Variants in CDK19 observed in about 807,000 individuals in gnomAD.
CDK19 encodes cyclin-dependent kinase 19.
In CDK19, 20 loss-of-function variants were observed where a neutral mutation model predicts 68.3. The observed-to-expected ratio is 0.29, with a 90% CI of 0.21 to 0.43. The LOEUF (loss-of-function observed/expected upper bound fraction) is 0.43. Ranked by LOEUF, CDK19 falls within the 20% of genes least tolerant of loss-of-function variation. The pLI is 1.00. For missense variants in CDK19, 339 were observed against 623.5 expected, an observed-to-expected ratio of 0.54 and a Z score of 4.86; for synonymous variants, 221 against 222.8, an observed-to-expected ratio of 0.99 and a Z score of 0.07.
intron 5 of CDK19, among the ~76,000 whole-genome samples, chr6:110,638,198 G>A (rs1388641013): frequency 6.6e-6 from 1 of 152,120 alleles, no homozygotes; most frequent in Non-Finnish European, 1.5e-5. Flanking sequence ...GTTAGTACTT[G>A]GTGCAAGACA....
intron 8 of CDK19, among the ~76,000 whole-genome samples, chr6:110,625,865 C>T (rs1033707511): frequency 9.2e-5 from 14 of 152,134 alleles, no homozygotes; most frequent in African/African-American, 2.9e-4. Context: ...TGATTTTGTT[C>T]CTATAAGCCA....
At chr6:110,639,916 C>T (rs1342668514) in intron 4 of CDK19, among the ~76,000 whole-genome samples, 1 of 152,066 alleles carries the variant, frequency 6.6e-6, no homozygotes, top group African/African-American at 2.4e-5. Flanking sequence ...GCATAAGACG[C>T]AGAAGTCTGA....
intron 2 of CDK19, among the ~76,000 whole-genome samples, chr6:110,732,821 T>C (rs1776860937): frequency 1.3e-5 from 2 of 152,024 alleles, no homozygotes; most frequent in African/African-American, 4.8e-5. Context: ...TCCCAGCACT[T>C]TGTGGAGGGC....
rs1183868201 is a variant in CDK19 at position 110,687,244 on chromosome 6, GCA to G, written c.205-16705_205-16704del. Among the ~76,000 whole-genome samples, 131 of 152,180 alleles carry G rather than the reference GCA, an allele frequency of 8.6e-4. 1 individual carries two copies. Among genetic ancestry groups the G allele is most frequent in the African/African-American group, 3.0e-3 (125 of 41,510 alleles). ...AAAGTTCCACTTTTCAGGACATTGG[GCA>G]TTATCAGTGGTCAGACACCCCACCC... On this transcript the variant is annotated intron_variant, in intron 2 of 12. Transcript: ENST00000368911.
intron 4 of CDK19, among the ~76,000 whole-genome samples, chr6:110,654,615 A>AT (rs1781182660): frequency 6.6e-6 from 1 of 152,244 alleles, no homozygotes; most frequent in Admixed American, 6.5e-5. Context: ...GGGGTAAGGT[A>AT]TAAGTGTCCT....
chr6:110,814,809 G>T, intron 1 of CDK19, 200 bp downstream of exon 1: 1 of 716,556 alleles, frequency 1.4e-6, no homozygotes, highest in Non-Finnish European at 2.4e-6. Flanking sequence ...CGCCGCGGGA[G>T]TTCGAGGTAC....
chr6:110,726,498 G>A (rs772053833), intron 2 of CDK19, among the ~76,000 whole-genome samples: 1 of 152,132 alleles, frequency 6.6e-6, no homozygotes, highest in African/African-American at 2.4e-5. Flanking sequence ...AGTAATGCCT[G>A]AAAAGGTTCC....
At chr6:110,752,772 T>G (rs973031032) in intron 1 of CDK19, among the ~76,000 whole-genome samples, 1 of 152,218 alleles carries the variant, frequency 6.6e-6, no homozygotes, top group Non-Finnish European at 1.5e-5. Flanking sequence ...CTCACTATGT[T>G]GCCCAAGCTG....
rs192480115 is a variant in CDK19 at position 110,696,728 on chromosome 6, C to A, written c.205-26187G>T. On this transcript the variant is annotated intron_variant, in intron 2 of 12. Coordinates refer to ENST00000368911, the MANE Select transcript of CDK19 (RefSeq NM_015076.5). ...CCTGAGGCCAGGATTTCGAGACCAG[C>A]CTGGCCAACATGGCAAAACCTCGCC... is the stretch of plus-strand genomic sequence containing the variant. 2.6e-3 allele frequency among the ~76,000 whole-genome samples: 388 copies of A among 152,092 alleles called. 1 individual carries two copies. The highest frequency in any genetic ancestry group is 4.5e-3 in the Admixed American group (69 of 15,262).
At chr6:110,711,968 G>A (rs1369003941) in intron 2 of CDK19, among the ~76,000 whole-genome samples, 6 of 152,194 alleles carry the variant, frequency 3.9e-5, no homozygotes, top group Non-Finnish European at 5.9e-5. Context: ...GCGAGACTCC[G>A]TCTCAAAAAA....
At chr6:110,782,087 G>C (rs1780865971) in intron 1 of CDK19, among the ~76,000 whole-genome samples, 2 of 152,132 alleles carry the variant, frequency 1.3e-5, no homozygotes, top group Admixed American at 1.3e-4. Flanking sequence ...TTAGAGATAA[G>C]GGCATGATAT....
chr6:110,674,695 G>A (rs574719341), intron 2 of CDK19, among the ~76,000 whole-genome samples: 2 of 152,226 alleles, frequency 1.3e-5, no homozygotes, highest in South Asian at 2.1e-4. Flanking sequence ...GAGGTCAGGA[G>A]TTCAAGACCA....
intron 2 of CDK19, among the ~76,000 whole-genome samples, chr6:110,727,894 A>G (rs750839461): frequency 1.3e-5 from 2 of 152,060 alleles, no homozygotes; most frequent in Non-Finnish European, 2.9e-5. Context: ...CAGGAAACTG[A>G]AGAGGATCAT....
chr6:110,749,084 T>C (rs1778276006), intron 1 of CDK19, among the ~76,000 whole-genome samples: 1 of 152,196 alleles, frequency 6.6e-6, no homozygotes, highest in South Asian at 2.1e-4. Flanking sequence ...GTATATTAGA[T>C]AGTATGATTA....
chr6:110,706,408 T>TG (rs1774488955), intron 2 of CDK19: 1 of 81,748 alleles, frequency 1.2e-5, no homozygotes, highest in Non-Finnish European at 2.8e-5. Context: ...ACTGTTGTTT[T>TG]TTTTTTGTTT....
intron 1 of CDK19, among the ~76,000 whole-genome samples, chr6:110,806,299 C>A (rs1287108099): frequency 6.7e-6 from 1 of 149,302 alleles, no homozygotes; most frequent in African/African-American, 2.5e-5. Context: ...AAGATCGTGC[C>A]ATCACACAAC....
chr6:110,635,593 G>A (rs1434049366), intron 5 of CDK19, among the ~76,000 whole-genome samples: 9 of 152,148 alleles, frequency 5.9e-5, no homozygotes, highest in Non-Finnish European at 1.0e-4. Flanking sequence ...AGGCTGGAGT[G>A]CAGTGGCATG....
At chr6:110,659,580 A>C (rs779260175) in intron 4 of CDK19, among the ~76,000 whole-genome samples, 55 of 152,240 alleles carry the variant, frequency 3.6e-4, no homozygotes, top group Non-Finnish European at 2.5e-4. Flanking sequence ...AGAAAGTACT[A>C]ATACTAGTGA....
intron 2 of CDK19, among the ~76,000 whole-genome samples, chr6:110,728,087 A>G (rs984625573): frequency 6.6e-6 from 1 of 152,130 alleles, no homozygotes; most frequent in East Asian, 1.9e-4. Context: ...CGGGAGTTCA[A>G]GACCAGCCTG....
Sources: allele counts gnomAD v4.1 joint callset (sites outside exome capture counted in the v4.1 genomes callset), GRCh38; gene constraint gnomAD v4.1.1; transcripts MANE v1.5; gene names NCBI Gene and HGNC (gene_info 2026-07-23, HGNC 2026-07-21).